Variants in PRICKLE1 observed in about 807,000 individuals in gnomAD.
PRICKLE1 encodes the protein prickle-like protein 1.
Under a neutral mutation model 70.2 loss-of-function variants are expected in PRICKLE1, and 14 were observed. The observed-to-expected ratio is 0.20, with a 90% CI of 0.13 to 0.31. The LOEUF (loss-of-function observed/expected upper bound fraction) is 0.31, where lower values mean the gene tolerates loss of function less well. PRICKLE1 is among the 10% of genes least tolerant of loss of function. The probability of loss-of-function intolerance (pLI) is 1.00; values close to 1 mark genes in which losing one functional copy is unlikely to be tolerated. For missense variants in PRICKLE1, 821 were observed against 1,026.2 expected (o/e 0.80, Z 2.73); for synonymous variants, 357 against 379.9 (o/e 0.94, Z 0.70).
At chr12:42,497,253 C>T (rs565225374) in intron 1 of PRICKLE1, among the ~76,000 whole-genome samples, 5 of 152,200 alleles carry the variant, frequency 3.3e-5, no homozygotes, top group African/African-American at 1.2e-4. Context: ...ACACACAAAA[C>T]ATTTATCGAT....
chr12:42,582,913 A>C (rs190645978), intron 1 of PRICKLE1, among the ~76,000 whole-genome samples: 15 of 152,316 alleles, frequency 9.8e-5, no homozygotes, highest in South Asian at 2.1e-4. Flanking sequence ...CAGGGAAGCC[A>C]AAAGGTTGGA....
intron 1 of PRICKLE1, among the ~76,000 whole-genome samples, chr12:42,518,908 C>A (rs899410740): frequency 2.0e-5 from 3 of 152,070 alleles, no homozygotes; most frequent in Admixed American, 2.0e-4. Context: ...GGTTATAATG[C>A]CACTATCAGG....
intron 1 of PRICKLE1, among the ~76,000 whole-genome samples, chr12:42,562,240 A>AAG (rs1213590726): frequency 1.3e-5 from 2 of 152,156 alleles, no homozygotes; most frequent in Non-Finnish European, 2.9e-5. Flanking sequence ...TCAAAAGGCA[A>AAG]AGATATCTTA....
intron 1 of PRICKLE1, among the ~76,000 whole-genome samples, chr12:42,574,906 CTTTT>C (rs879386873): frequency 7.8e-6 from 1 of 127,640 alleles, no homozygotes; most frequent in Non-Finnish European, 1.7e-5. Flanking sequence ...CTTGGTAAAG[CTTTT>C]TTTTTTTTTT....
chr12:42,480,412 C>A (rs1473367290), intron 1 of PRICKLE1, among the ~76,000 whole-genome samples: 3 of 152,068 alleles, frequency 2.0e-5, no homozygotes, highest in Non-Finnish European at 4.4e-5. Context: ...TACAGCAAGA[C>A]CCTGTCCCAA....
At chr12:42,504,921 C>A (rs927089862) in intron 1 of PRICKLE1, among the ~76,000 whole-genome samples, 1 of 152,068 alleles carries the variant, frequency 6.6e-6, no homozygotes, top group Non-Finnish European at 1.5e-5. Context: ...GCGGGTGGAT[C>A]ACCAGGTCAG....
At chr12:42,506,259 CTTT>C (rs5797804) in intron 1 of PRICKLE1, among the ~76,000 whole-genome samples, 1 of 121,140 alleles carries the variant, frequency 8.3e-6, no homozygotes. Flanking sequence ...TTCTTTCTTT[CTTT>C]TTTTTTTTTT....
intron 6 of PRICKLE1, 74 bp from the exon 7 acceptor site, chr12:42,465,332 G>A: frequency 6.8e-7 from 1 of 1,464,592 alleles, no homozygotes; most frequent in South Asian, 1.2e-5. Context: ...AAGAAACGAA[G>A]AAAATAAATA....
intron 1 of PRICKLE1, among the ~76,000 whole-genome samples, chr12:42,486,649 T>A (rs1938995070): frequency 6.6e-6 from 1 of 152,220 alleles, no homozygotes; most frequent in African/African-American, 2.4e-5. Context: ...TTGGCGCTAA[T>A]CCCTGGTTCT....
Position 42,552,654 on chromosome 12 carries a change from G to T in PRICKLE1, c.-49+36811C>A, listed in dbSNP as rs1402863130. The stretch of plus-strand genomic sequence containing the variant: ...TTTCCAGAGGGACTTGAGGGAGGAA[G>T]TTAAGAGTTGGGCACAGAGCGCTGT... On this transcript the variant is annotated intron_variant, in intron 1 of 7. Transcript: ENST00000345127. Among the ~76,000 whole-genome samples, 4 of 152,366 alleles carry T rather than the reference G, an allele frequency of 2.6e-5. No individual in the cohort carries two copies. In the East Asian group the frequency reaches 7.7e-4, roughly 29 times the overall value.
chr12:42,561,194 G>T (rs1336440529), intron 1 of PRICKLE1, among the ~76,000 whole-genome samples: 3 of 152,162 alleles, frequency 2.0e-5, no homozygotes, highest in Non-Finnish European at 2.9e-5. Flanking sequence ...GCCAACAAGG[G>T]ACTTATATTT....
chr12:42,500,397 T>C (rs1267722562), intron 1 of PRICKLE1, among the ~76,000 whole-genome samples: 2 of 152,228 alleles, frequency 1.3e-5, no homozygotes, highest in Non-Finnish European at 2.9e-5. Flanking sequence ...CCAGTATCAG[T>C]ACGTACTAAG....
Position 42,493,214 on chromosome 12 carries a change from A to G in PRICKLE1, c.-48-20650T>C, listed in dbSNP as rs559502885. Among the ~76,000 whole-genome samples, 266 of 152,312 alleles carry G rather than the reference A, an allele frequency of 1.7e-3. 3 individuals are homozygous for G. The highest frequency in any genetic ancestry group is 3.1e-3 in the Non-Finnish European group (212 of 68,022). On this transcript the variant is annotated intron_variant, in intron 1 of 7. Transcript: ENST00000345127. The stretch of plus-strand genomic sequence containing the variant: ...AATAATTGTACATTTAAAAATAACT[A>G]AAAGAGTATAACTGGATTGTAACAC...
intron 1 of PRICKLE1, among the ~76,000 whole-genome samples, chr12:42,535,800 G>T (rs909415515): frequency 3.3e-5 from 5 of 152,068 alleles, no homozygotes; most frequent in African/African-American, 9.7e-5. Flanking sequence ...AAGAAAGAAA[G>T]AAAAGAAATA....
rs2140101933 is a variant in PRICKLE1, at chr12:42,464,981, G to A, written c.1053C>T (p.Leu351=). The change falls in exon 7 of 8, where the codon CTC becomes CTT. Residue 351 remains leucine, a synonymous_variant. Coordinates refer to ENST00000345127, the MANE Select transcript of PRICKLE1 (RefSeq NM_153026.3). This position sits in a 1 kb window ranked among gnomAD's most constrained non-coding sequence, Gnocchi z 4.2. ...ACTTGTAGTTCAGAGCAGGCGATAA[G>A]AGGAGAGACTGTCTACACTGATCTG... The part of the protein sequence containing the change: ...RSADQCRQSL[L]LSPALNYKFP... The A allele has an allele frequency of 6.2e-7, 1 of 1,614,084 alleles. No homozygotes were observed. The highest frequency in any genetic ancestry group is 8.5e-7 in the Non-Finnish European group (1 of 1,179,998).
At chr12:42,556,646 T>G (rs923546899) in intron 1 of PRICKLE1, among the ~76,000 whole-genome samples, 4 of 152,224 alleles carry the variant, frequency 2.6e-5, no homozygotes, top group African/African-American at 9.6e-5. Context: ...ATTAAGTGAC[T>G]GAACAAATGA....
intron 1 of PRICKLE1, among the ~76,000 whole-genome samples, chr12:42,559,952 C>T (rs989787768): frequency 1.3e-5 from 2 of 151,772 alleles, no homozygotes; most frequent in African/African-American, 2.4e-5. Context: ...ATGAAACAAT[C>T]CTATCATGTT....
At chr12:42,566,593 T>C in intron 1 of PRICKLE1, among the ~76,000 whole-genome samples, 1 of 152,352 alleles carries the variant, frequency 6.6e-6, no homozygotes, top group Non-Finnish European at 1.5e-5. Context: ...TCTTCATTTA[T>C]AAAATGAGAC....
At chr12:42,560,815 CACAA>C (rs1161429722) in intron 1 of PRICKLE1, among the ~76,000 whole-genome samples, 3 of 122,522 alleles carry the variant, frequency 2.4e-5, no homozygotes, top group Admixed American at 1.6e-4. Flanking sequence ...CACACACACA[CACAA>C]AACAAAAAAC....
Sources: gnomAD v4.1 joint callset for allele counts (sites outside exome capture counted in the v4.1 genomes callset) on GRCh38, gnomAD v4.1.1 for gene constraint, Gnocchi (gnomAD v3.1) non-coding constraint, MANE v1.5 for transcripts, NCBI Gene and HGNC (gene_info 2026-07-23, HGNC 2026-07-21) for gene names.